MEF2B: variants seen among roughly 807,000 people sequenced by gnomAD.
MEF2B encodes the protein myocyte-specific enhancer factor 2B.
In MEF2B, 15 loss-of-function variants were observed where a neutral mutation model predicts 32.2. The ratio of observed to expected loss-of-function variants is 0.47; its 90% CI spans 0.31 to 0.72. The LOEUF (loss-of-function observed/expected upper bound fraction) is 0.72. Among genes scored for constraint, MEF2B ranks in the 30% least tolerant of loss-of-function variants. The probability of loss-of-function intolerance (pLI) is 0.05; values close to 1 mark genes in which losing one functional copy is unlikely to be tolerated. For missense variants in MEF2B, 441 were observed against 511.5 expected (o/e 0.86, Z 1.33); for synonymous variants, 205 against 225.6 (o/e 0.91, Z 0.82).
chr19:19,164,963 C>G (rs917372470), intron 1 of MEF2B, among the ~76,000 whole-genome samples: 5 of 152,204 alleles, frequency 3.3e-5, no homozygotes, highest in African/African-American at 1.2e-4. Flanking sequence ...GCCCCAGCCT[C>G]CCTGCTTGGG....
rs370131105 is a variant in MEF2B at position 19,150,739 on chromosome 19, C to A, written c.-4G>T. ...TCTGGATTTTTTTCCTCCCCATCGTCCCAGGCTGAGTGGAATGATCTTTGT... is the reference window on the plus strand; with the variant it reads ...TCTGGATTTTTTTCCTCCCCATCGTACCAGGCTGAGTGGAATGATCTTTGT... On this transcript the variant is annotated 5_prime_UTR_variant, in exon 2 of 9. Coordinates refer to ENST00000424583, the MANE Select transcript of MEF2B (RefSeq NM_001145785.2). 19 of 1,614,092 alleles carry A rather than the reference C, an allele frequency of 1.2e-5. No individual in the cohort carries two copies. In the African/African-American group the frequency reaches 1.7e-4, roughly 15 times the overall value.
At chr19:19,166,756 A>T (rs1251298693) in intron 1 of MEF2B, among the ~76,000 whole-genome samples, 2 of 148,594 alleles carry the variant, frequency 1.3e-5, no homozygotes, top group African/African-American at 5.0e-5. Flanking sequence ...TCTCTAGACC[A>T]CTCTGTGCCT....
At chr19:19,149,755 G>C (rs771710519) in intron 2 of MEF2B, among the ~76,000 whole-genome samples, 1 of 138,586 alleles carries the variant, frequency 7.2e-6, no homozygotes, top group Non-Finnish European at 1.5e-5. Flanking sequence ...TGGGGTTCCA[G>C]TCATCAGGGA....
chr19:19,160,898 C>T (rs904968580), intron 1 of MEF2B, among the ~76,000 whole-genome samples: 2 of 152,138 alleles, frequency 1.3e-5, no homozygotes, highest in African/African-American at 4.8e-5. Context: ...CCGCCTCCTC[C>T]CCGGGGGCCT....
chr19:19,154,264 A>G (rs908153076), intron 1 of MEF2B, among the ~76,000 whole-genome samples: 1 of 152,002 alleles, frequency 6.6e-6, no homozygotes, highest in Non-Finnish European at 1.5e-5. Flanking sequence ...CCCAGGTTCA[A>G]GTGATTCTTC....
At chr19:19,169,219 T>C (rs1208545744) in intron 1 of MEF2B, among the ~76,000 whole-genome samples, 3 of 151,686 alleles carry the variant, frequency 2.0e-5, no homozygotes, top group Admixed American at 1.3e-4. Context: ...CAGGCGGTAG[T>C]GGCACGCGCC....
intron 5 of MEF2B, 73 bp downstream of exon 5, chr19:19,146,963 G>A: frequency 6.4e-7 from 1 of 1,564,302 alleles, no homozygotes; most frequent in South Asian, 1.2e-5. Context: ...CACGCAGCCT[G>A]GCAATGCCAG....
intron 1 of MEF2B, among the ~76,000 whole-genome samples, chr19:19,161,193 A>G (rs1215669818): frequency 1.3e-5 from 2 of 152,028 alleles, no homozygotes; most frequent in Non-Finnish European, 2.9e-5. Flanking sequence ...GCCTCTCAGA[A>G]GGCCTTGGGG....
chr19:19,161,261 T>G (rs1021343752), intron 1 of MEF2B, among the ~76,000 whole-genome samples: 5 of 151,832 alleles, frequency 3.3e-5, no homozygotes, highest in African/African-American at 1.2e-4. Context: ...AAGTCCCTGG[T>G]GGAGTGCTGA....
At chr19:19,149,563 A>G (rs2060055848) in intron 2 of MEF2B, 134 bp from the exon 3 acceptor site, 2 of 1,246,110 alleles carry the variant, frequency 1.6e-6, no homozygotes, top group Admixed American at 2.3e-5. Flanking sequence ...GGTAATTCTC[A>G]TGTCACAACC....
Position 19,145,975 on chromosome 19 carries a change from G to A in MEF2B, c.929C>T (p.Ser310Phe), listed in dbSNP as rs1297266623. 14 of 1,438,544 alleles carry A rather than the reference G, an allele frequency of 9.7e-6. No homozygotes were observed. The highest frequency in any genetic ancestry group is 1.3e-5 in the Non-Finnish European group (14 of 1,098,722). The allele number at this position is 1,438,544 out of a possible 1,614,324, so 89.1% of individuals were successfully genotyped here. Residue 310 changes from serine to phenylalanine, a missense_variant, in exon 9 of 9, where the codon TCC (serine) becomes TTC (phenylalanine). Physicochemically the swap from Ser to Phe is radical, Grantham distance 155. Transcript: ENST00000424583. The surrounding 1 kb of genome is among the most constrained non-coding windows in gnomAD (Gnocchi z 4.6). ...GEEGPPTRGA[S>F]PPTPPVSIKS... The stretch of plus-strand genomic sequence containing the variant: ...GATGCTGACTGGGGGGGTCGGCGGG[G>A]AGGCGCCGCGGGTTGGGGGACCCTC...
intron 1 of MEF2B, among the ~76,000 whole-genome samples, chr19:19,164,756 C>T (rs1568554821): frequency 6.6e-6 from 1 of 152,114 alleles, no homozygotes; most frequent in Non-Finnish European, 1.5e-5. Context: ...AGAGGTCACC[C>T]AGCCCATGGA....
intron 1 of MEF2B, among the ~76,000 whole-genome samples, chr19:19,155,829 C>A (rs919838743): frequency 2.0e-5 from 3 of 152,132 alleles, no homozygotes; most frequent in African/African-American, 7.2e-5. Context: ...GTGCCAGGCA[C>A]GAGGGGGGAA....
chr19:19,161,623 C>A (rs771447484), intron 1 of MEF2B, among the ~76,000 whole-genome samples: 6 of 151,904 alleles, frequency 3.9e-5, no homozygotes, highest in Non-Finnish European at 7.4e-5. Flanking sequence ...TCTCCCTAAA[C>A]ACATGGCCGT....
intron 1 of MEF2B, among the ~76,000 whole-genome samples, chr19:19,167,965 C>G (rs2146388678): frequency 6.6e-6 from 1 of 152,320 alleles, no homozygotes; most frequent in African/African-American, 2.4e-5. Context: ...GATGACATCC[C>G]AAGATCCTAA....
intron 1 of MEF2B, among the ~76,000 whole-genome samples, chr19:19,154,381 C>G (rs1464870822): frequency 6.6e-6 from 1 of 152,106 alleles, no homozygotes; most frequent in Non-Finnish European, 1.5e-5. Flanking sequence ...TCAGGTTGGT[C>G]TCAAACTCCT....
chr19:19,157,493 A>G (rs2060127912), intron 1 of MEF2B, among the ~76,000 whole-genome samples: 1 of 152,216 alleles, frequency 6.6e-6, no homozygotes, highest in African/African-American at 2.4e-5. Flanking sequence ...CGACGATCCC[A>G]GACTCCATCG....
At chr19:19,164,061 G>A (rs1366156922) in intron 1 of MEF2B, among the ~76,000 whole-genome samples, 1 of 152,074 alleles carries the variant, frequency 6.6e-6, no homozygotes, top group Non-Finnish European at 1.5e-5. Context: ...CTGCCTCCCG[G>A]GTTGAAGCGA....
intron 1 of MEF2B, among the ~76,000 whole-genome samples, chr19:19,152,248 C>T (rs2146361902): frequency 6.6e-6 from 1 of 151,570 alleles, no homozygotes; most frequent in East Asian, 2.0e-4. Flanking sequence ...CGCATCCTAC[C>T]CACCCCATCT....
Sources: allele counts gnomAD v4.1 joint callset (sites outside exome capture counted in the v4.1 genomes callset), GRCh38; gene constraint gnomAD v4.1.1; non-coding constraint Gnocchi (gnomAD v3.1); transcripts MANE v1.5; gene names NCBI Gene and HGNC (gene_info 2026-07-23, HGNC 2026-07-21).